Variants in KCNN3 observed in about 807,000 individuals in gnomAD.
KCNN3 encodes the protein small conductance calcium-activated potassium channel protein 3.
A neutral mutation model predicts 62.9 loss-of-function variants in KCNN3; 16 were observed. The observed-to-expected ratio is 0.25, with a 90% CI of 0.17 to 0.39. KCNN3 has a LOEUF of 0.39. KCNN3 is among the 10% of genes least tolerant of loss of function. The pLI, the probability that KCNN3 is intolerant of heterozygous loss-of-function variation, is 1.00. For missense variants in KCNN3, 599 were observed against 949.4 expected, an observed-to-expected ratio of 0.63 and a Z score of 4.85; for synonymous variants, 370 against 389.2, an observed-to-expected ratio of 0.95 and a Z score of 0.58.
chr1:154,846,392 C>A (rs1439282543), intron 1 of KCNN3, among the ~76,000 whole-genome samples: 1 of 152,198 alleles, frequency 6.6e-6, no homozygotes, highest in African/African-American at 2.4e-5. Flanking sequence ...TATTTACAGC[C>A]CCCGAGGCTC....
At chr1:154,815,831 C>T (rs942205374) in intron 2 of KCNN3, among the ~76,000 whole-genome samples, 7 of 152,276 alleles carry the variant, frequency 4.6e-5, no homozygotes, top group Middle Eastern at 3.4e-3. Flanking sequence ...CAGAGCAAGA[C>T]GCAACGTGAG....
At chr1:154,782,529 T>A (rs55770615) in intron 2 of KCNN3, among the ~76,000 whole-genome samples, 19,082 of 152,110 alleles carry the variant, frequency 0.13, 1,234 homozygotes, top group East Asian at 0.22. Flanking sequence ...CTAGACCTCA[T>A]CCTTATGACC....
chr1:154,851,379 C>A (rs1054480161), intron 1 of KCNN3, among the ~76,000 whole-genome samples: 1 of 152,180 alleles, frequency 6.6e-6, no homozygotes, highest in Non-Finnish European at 1.5e-5. Context: ...TTGCCACGGC[C>A]TCAAGCACCA....
chr1:154,715,479 T>G (rs1384398436), intron 5 of KCNN3, among the ~76,000 whole-genome samples: 1 of 151,852 alleles, frequency 6.6e-6, no homozygotes, highest in Non-Finnish European at 1.5e-5. Flanking sequence ...AAAATTCATC[T>G]GTTCTTAATC....
chr1:154,718,499 A>G (rs1281746160), intron 5 of KCNN3, among the ~76,000 whole-genome samples: 1 of 152,262 alleles, frequency 6.6e-6, no homozygotes, highest in Non-Finnish European at 1.5e-5. Flanking sequence ...CTTGATAAAT[A>G]GACGTGATCA....
rs1699989486 is a variant in KCNN3, at chr1:154,707,598, C to T, written c.*378G>A. 5.5e-6 allele frequency: 1 copy of T among 181,118 alleles called. No homozygotes were observed. The highest frequency in any genetic ancestry group is 1.2e-5 in the Non-Finnish European group (1 of 85,970). The allele number at this position is 181,118 out of a possible 1,614,324, so 11.2% of individuals were successfully genotyped here. On this transcript the variant is annotated 3_prime_UTR_variant, in exon 8 of 8. Coordinates refer to ENST00000271915, the MANE Select transcript of KCNN3 (RefSeq NM_002249.6). ...CCCCAAGCCTGACACAACCCTCCCT[C>T]CCAGCGGACCCCTCTTCTGGACTGG... is the stretch of plus-strand genomic sequence containing the variant.
At chr1:154,837,616 T>A (rs1651646117) in intron 1 of KCNN3, among the ~76,000 whole-genome samples, 1 of 152,126 alleles carries the variant, frequency 6.6e-6, no homozygotes, top group Admixed American at 6.5e-5. Flanking sequence ...CACAGCTGTT[T>A]CAAGGCGTCC....
Position 154,772,909 on chromosome 1 carries a change from G to C in KCNN3, c.1030-516C>G, listed in dbSNP as rs926733181. Among the ~76,000 whole-genome samples the C allele has an allele frequency of 1.3e-5, 2 of 152,072 alleles. No individual in the cohort carries two copies. The highest frequency in any genetic ancestry group is 4.8e-5 in the African/African-American group (2 of 41,398). The stretch of plus-strand genomic sequence containing the variant: ...CCACCACCTCCTGAGAAGGAAGAGG[G>C]GCCCGAAGGTTGAGTTGATCACCAA... On this transcript the variant is annotated intron_variant, in intron 2 of 7. Transcript: ENST00000271915. The surrounding 1 kb of genome is among the most constrained non-coding windows in gnomAD (Gnocchi z 5.6).
At chr1:154,723,110 T>G (rs1381111352) in intron 5 of KCNN3, among the ~76,000 whole-genome samples, 2 of 152,100 alleles carry the variant, frequency 1.3e-5, no homozygotes, top group Non-Finnish European at 2.9e-5. Context: ...AGGCCAGGCA[T>G]CCCCAGGGGA....
chr1:154,721,232 G>A (rs866105857), intron 5 of KCNN3, among the ~76,000 whole-genome samples: 1 of 151,872 alleles, frequency 6.6e-6, no homozygotes, highest in African/African-American at 2.4e-5. Flanking sequence ...AAATATCTCC[G>A]GTCCATGGTG....
chr1:154,821,115 G>A (rs754684678), intron 2 of KCNN3, among the ~76,000 whole-genome samples: 27 of 152,258 alleles, frequency 1.8e-4, no homozygotes, highest in South Asian at 1.2e-3. Flanking sequence ...TGAGAAGATC[G>A]AGACCCAGGA....
chr1:154,775,494 A>T (rs1258347891), intron 2 of KCNN3, among the ~76,000 whole-genome samples: 1 of 152,136 alleles, frequency 6.6e-6, no homozygotes, highest in Admixed American at 6.5e-5. Context: ...GGTTTAATAA[A>T]CTACAAAGGA....
At chr1:154,749,053 A>T (rs920880442) in intron 3 of KCNN3, among the ~76,000 whole-genome samples, 1 of 152,198 alleles carries the variant, frequency 6.6e-6, no homozygotes, top group Non-Finnish European at 1.5e-5. Flanking sequence ...AGACCTAAAA[A>T]GGGAGGTGAG....
At chr1:154,866,427 C>G (rs1204461614) in intron 1 of KCNN3, among the ~76,000 whole-genome samples, 1 of 152,192 alleles carries the variant, frequency 6.6e-6, no homozygotes, top group African/African-American at 2.4e-5. Context: ...AACAGGCTCG[C>G]TAAAGCTCCA....
intron 2 of KCNN3, among the ~76,000 whole-genome samples, chr1:154,777,063 A>G (rs975906627): frequency 2.0e-5 from 3 of 152,202 alleles, no homozygotes; most frequent in African/African-American, 7.2e-5. Flanking sequence ...ATGCTTATTT[A>G]GTGAATTAGT....
intron 2 of KCNN3, among the ~76,000 whole-genome samples, chr1:154,805,016 C>G (rs1650110703): frequency 6.6e-6 from 1 of 152,204 alleles, no homozygotes; most frequent in South Asian, 2.1e-4. Context: ...TAAAACAATT[C>G]TATTCTGCAG....
chr1:154,846,563 C>T (rs183251880), intron 1 of KCNN3, among the ~76,000 whole-genome samples: 15 of 152,324 alleles, frequency 9.8e-5, no homozygotes, highest in African/African-American at 3.6e-4. Context: ...TTTCTATATC[C>T]TCTACAGACA....
chr1:154,794,390 G>A (rs1441171971), intron 2 of KCNN3, among the ~76,000 whole-genome samples: 1 of 152,138 alleles, frequency 6.6e-6, no homozygotes, highest in African/African-American at 2.4e-5. Context: ...ACACCTCAAA[G>A]GAGCTCAAGG....
intron 2 of KCNN3, among the ~76,000 whole-genome samples, chr1:154,775,526 C>T (rs1648750099): frequency 6.6e-6 from 1 of 152,182 alleles, no homozygotes. Flanking sequence ...TTCATTCATT[C>T]ATTCAACAAA....
Sources: gnomAD v4.1 joint callset for allele counts (sites outside exome capture counted in the v4.1 genomes callset) on GRCh38, gnomAD v4.1.1 for gene constraint, Gnocchi (gnomAD v3.1) non-coding constraint, MANE v1.5 for transcripts, NCBI Gene and HGNC (gene_info 2026-07-23, HGNC 2026-07-21) for gene names.